Variants in HK2 observed in about 807,000 individuals in gnomAD.
The protein encoded by HK2 is hexokinase 2.
HK2 carries 42 observed loss-of-function variants against 92.9 expected under a neutral mutation model. That is an observed-to-expected ratio of 0.45 (90% CI 0.35 to 0.58). HK2 has a LOEUF of 0.58. Among genes scored for constraint, HK2 ranks in the 20% least tolerant of loss-of-function variants. HK2 has a pLI of 0.00. For missense variants in HK2, 978 were observed against 1,245.1 expected (o/e 0.79, Z 3.23); for synonymous variants, 422 against 468.0 (o/e 0.90, Z 1.27).
intron 15 of HK2, among the ~76,000 whole-genome samples, chr2:74,887,166 G>A (rs1238810046): frequency 6.6e-6 from 1 of 152,230 alleles, no homozygotes; most frequent in Non-Finnish European, 1.5e-5. Context: ...GATGTTGTCT[G>A]TAGTGTTTCC....
chr2:74,863,179 C>A (rs557714274), intron 2 of HK2, among the ~76,000 whole-genome samples: 166 of 152,304 alleles, frequency 1.1e-3, no homozygotes, highest in African/African-American at 3.9e-3. Context: ...TGGTGCATTC[C>A]AAGAGGTGTC....
At chr2:74,854,188 A>G in intron 1 of HK2, 105 bp from the exon 2 acceptor site, 1 of 1,055,764 alleles carries the variant, frequency 9.5e-7, no homozygotes, top group Non-Finnish European at 1.5e-6. Flanking sequence ...TTCTGTACAT[A>G]ACAGATTTTG....
rs1688095832 is a variant in HK2, at chr2:74,834,411, C to G, written c.-170C>G. 4.3e-5 allele frequency: 30 copies of G among 694,684 alleles called. 2 individuals carry two copies. The South Asian group carries it at 4.7e-4, about 11-fold the overall frequency. 43.0% of individuals were successfully genotyped at this position (694,684 alleles called of 1,614,324 possible). Reference sequence around the variant, plus strand: ...TCACGTCTCCGGAGACCCGCGCCCTCCGCCAGCCGGGCGCACCCTCGCCGG... The same window carrying G: ...TCACGTCTCCGGAGACCCGCGCCCTGCGCCAGCCGGGCGCACCCTCGCCGG... On this transcript the variant is annotated 5_prime_UTR_variant, in exon 1 of 18. Coordinates refer to ENST00000290573, the MANE Select transcript of HK2 (RefSeq NM_000189.5). This position sits in a 1 kb window ranked among gnomAD's most constrained non-coding sequence, Gnocchi z 4.2.
chr2:74,880,599 A>G (rs1689364229), intron 10 of HK2, 30 bp downstream of exon 10: 2 of 1,604,754 alleles, frequency 1.2e-6, no homozygotes, highest in African/African-American at 1.3e-5. Context: ...CCTGGCTCAC[A>G]TGGTGGGCCT....
At chr2:74,859,276 G>A (rs915924415) in intron 2 of HK2, among the ~76,000 whole-genome samples, 2 of 152,182 alleles carry the variant, frequency 1.3e-5, no homozygotes, top group African/African-American at 4.8e-5. Flanking sequence ...GTATGCTGAA[G>A]TTTTAGGGTT....
intron 2 of HK2, among the ~76,000 whole-genome samples, chr2:74,863,182 GA>G (rs1323122257): frequency 1.3e-5 from 2 of 152,226 alleles, no homozygotes; most frequent in African/African-American, 2.4e-5. Context: ...TGCATTCCAA[GA>G]GGTGTCCTAG....
intron 2 of HK2, 105 bp downstream of exon 2, chr2:74,854,560 G>T: frequency 1.6e-6 from 2 of 1,236,704 alleles, no homozygotes; most frequent in African/African-American, 3.0e-5. Context: ...AACCAACCCT[G>T]GCTAAGGGAA....
intron 1 of HK2, among the ~76,000 whole-genome samples, chr2:74,839,761 G>A (rs540917030): frequency 2.0e-5 from 3 of 151,130 alleles, no homozygotes; most frequent in Non-Finnish European, 2.9e-5. Context: ...GGGTTCAAGT[G>A]ATTCTCCTAC....
chr2:74,879,300 C>A lies in HK2; in HGVS notation c.1265+379C>A, dbSNP rs563770583. Among the ~76,000 whole-genome samples, 9 of 152,360 alleles carry A rather than the reference C, an allele frequency of 5.9e-5. No individual in the cohort carries two copies. In the East Asian group the frequency reaches 1.7e-3, roughly 29 times the overall value. On this transcript the variant is annotated intron_variant, in intron 9 of 17. Transcript: ENST00000290573. Reference sequence around the variant, plus strand: ...AGCCCAGTGAGGGTTACCAGCTTCTCTGGCTGACCTTGGTATTAAATTGAT... The same window carrying A: ...AGCCCAGTGAGGGTTACCAGCTTCTATGGCTGACCTTGGTATTAAATTGAT...
At chr2:74,890,333 C>T (rs1004442447) in intron 17 of HK2, among the ~76,000 whole-genome samples, 2 of 152,154 alleles carry the variant, frequency 1.3e-5, no homozygotes, top group East Asian at 3.9e-4. Flanking sequence ...CTTTTGCCTC[C>T]GATGACATTT....
At chr2:74,878,609 C>T (rs1384678249) in intron 8 of HK2, 79 bp from the exon 9 acceptor site, 2 of 1,149,422 alleles carry the variant, frequency 1.7e-6, no homozygotes, top group Non-Finnish European at 2.6e-6. Context: ...AACTAAAGGG[C>T]TTCCTTGCCA....
intron 5 of HK2, 28 bp from the exon 6 acceptor site, chr2:74,873,816 G>A: frequency 1.3e-6 from 2 of 1,545,800 alleles, no homozygotes; most frequent in Non-Finnish European, 1.8e-6. Flanking sequence ...GATGATGAAG[G>A]TCAGAGCCCT....
intron 2 of HK2, 84 bp downstream of exon 2, chr2:74,854,539 A>G (rs1688650410): frequency 1.3e-6 from 2 of 1,488,264 alleles, no homozygotes; most frequent in African/African-American, 1.4e-5. Flanking sequence ...AAATAACTCA[A>G]AAGCCTCAGA....
intron 3 of HK2, among the ~76,000 whole-genome samples, chr2:74,868,977 G>GA (rs953340172): frequency 6.6e-6 from 1 of 151,692 alleles, no homozygotes; most frequent in Non-Finnish European, 1.5e-5. Flanking sequence ...TGCCAATTGA[G>GA]AAAAAAAATC....
chr2:74,845,774 G>A (rs1688420818), intron 1 of HK2, among the ~76,000 whole-genome samples: 1 of 152,206 alleles, frequency 6.6e-6, no homozygotes, highest in Non-Finnish European at 1.5e-5. Flanking sequence ...GCTTTCAGAG[G>A]ACAGGAGACT....
At chr2:74,864,371 T>G (rs1688899798) in intron 2 of HK2, among the ~76,000 whole-genome samples, 1 of 152,232 alleles carries the variant, frequency 6.6e-6, no homozygotes, top group Non-Finnish European at 1.5e-5. Flanking sequence ...ATACCAAACC[T>G]CTGTCCTGCC....
chr2:74,876,350 C>T (rs562715427), intron 7 of HK2, among the ~76,000 whole-genome samples: 2 of 152,194 alleles, frequency 1.3e-5, no homozygotes, highest in African/African-American at 4.8e-5. Flanking sequence ...CTCTAAGACA[C>T]AGGTTCTTTC....
chr2:74,881,169 A>C (rs1022735500), intron 10 of HK2, among the ~76,000 whole-genome samples: 7 of 152,246 alleles, frequency 4.6e-5, no homozygotes, highest in Non-Finnish European at 8.8e-5. Flanking sequence ...TGCATGACCC[A>C]CAGGGCCTAA....
At chr2:74,876,873 A>G (rs1362149684) in intron 7 of HK2, among the ~76,000 whole-genome samples, 1 of 152,214 alleles carries the variant, frequency 6.6e-6, no homozygotes, top group Non-Finnish European at 1.5e-5. Flanking sequence ...CCCTACGCAT[A>G]ACTTTACCTA....
Sources: gnomAD v4.1 joint callset for allele counts (sites outside exome capture counted in the v4.1 genomes callset) on GRCh38, gnomAD v4.1.1 for gene constraint, Gnocchi (gnomAD v3.1) non-coding constraint, MANE v1.5 for transcripts, NCBI Gene and HGNC (gene_info 2026-07-23, HGNC 2026-07-21) for gene names.